Variants in DCLK2 observed in about 807,000 individuals in gnomAD.
DCLK2 encodes the protein doublecortin like kinase 2.
In DCLK2, 31 loss-of-function variants were observed where a neutral mutation model predicts 78.4. The observed-to-expected ratio is 0.40, with a 90% CI of 0.30 to 0.53. The LOEUF (loss-of-function observed/expected upper bound fraction) is 0.53, where lower values mean the gene tolerates loss of function less well. DCLK2 is among the 20% of genes least tolerant of loss of function. The probability of loss-of-function intolerance (pLI) is 0.61; values close to 1 mark genes in which losing one functional copy is unlikely to be tolerated. For synonymous variants in DCLK2, 407 were observed against 374.9 expected, an observed-to-expected ratio of 1.09 and a Z score of -0.99; for missense variants, 872 against 973.7, an observed-to-expected ratio of 0.90 and a Z score of 1.39.
intron 15 of DCLK2, chr4:150,253,615 A>G (rs1744345580): frequency 7.8e-7 from 1 of 1,283,050 alleles, no homozygotes; most frequent in Non-Finnish European, 1.0e-6. Context: ...TCACGCCTGC[A>G]TGCTTGTCTC....
chr4:150,181,512 C>T (rs933164353), intron 2 of DCLK2, among the ~76,000 whole-genome samples: 1 of 152,152 alleles, frequency 6.6e-6, no homozygotes, highest in Non-Finnish European at 1.5e-5. Context: ...TAGAAAGAGG[C>T]ACTTCCTAAA....
intron 2 of DCLK2, among the ~76,000 whole-genome samples, chr4:150,141,652 A>G (rs971454250): frequency 2.0e-5 from 3 of 152,220 alleles, no homozygotes; most frequent in Non-Finnish European, 4.4e-5. Flanking sequence ...GTCATGGCAC[A>G]GAGAATTTTT....
chr4:150,175,864 CTG>C (rs1737053086), intron 2 of DCLK2, among the ~76,000 whole-genome samples: 1 of 152,148 alleles, frequency 6.6e-6, no homozygotes, highest in Admixed American at 6.5e-5. Context: ...TCTCCCCTCT[CTG>C]TACCGTGCTC....
chr4:150,183,540 G>A (rs1398270568), intron 2 of DCLK2, among the ~76,000 whole-genome samples: 1 of 152,104 alleles, frequency 6.6e-6, no homozygotes, highest in Non-Finnish European at 1.5e-5. Context: ...GAGCTACATA[G>A]GATTTGACTG....
intron 2 of DCLK2, among the ~76,000 whole-genome samples, chr4:150,118,994 C>G (rs531669266): frequency 2.3e-3 from 348 of 151,892 alleles, no homozygotes; most frequent in African/African-American, 7.8e-3. Flanking sequence ...CACTGCACTC[C>G]AGCCTCGACA....
At position 150,170,236 on chromosome 4, in the gene DCLK2, G is replaced by T. The variant is rs189633822; in HGVS notation, c.757-22902G>T. Among the ~76,000 whole-genome samples, 20 of 152,148 alleles carry T rather than the reference G, an allele frequency of 1.3e-4. No homozygotes were observed. The East Asian group carries it at 3.3e-3, about 25-fold the overall frequency. ...TGTTTGTATTTTTACTATAGACATG[G>T]TTTCACCATGTTGGCCAGGCTGGTT... On this transcript the variant is annotated intron_variant, in intron 2 of 15. Transcript: ENST00000296550.
intron 2 of DCLK2, among the ~76,000 whole-genome samples, chr4:150,163,081 A>G (rs906133660): frequency 2.6e-5 from 4 of 152,150 alleles, no homozygotes; most frequent in African/African-American, 9.7e-5. Context: ...GTACCTAAGC[A>G]AATGGAGTCC....
chr4:150,157,804 C>T (rs1735419164), intron 2 of DCLK2, among the ~76,000 whole-genome samples: 1 of 152,158 alleles, frequency 6.6e-6, no homozygotes, highest in Non-Finnish European at 1.5e-5. Context: ...TGAGCTACCG[C>T]TCCTGGCAGA....
chr4:150,231,609 T>G (rs573225475), intron 8 of DCLK2, among the ~76,000 whole-genome samples: 1 of 152,328 alleles, frequency 6.6e-6, no homozygotes, highest in South Asian at 2.1e-4. Context: ...TCGTTAATTC[T>G]GTAAGTAAAC....
chr4:150,106,688 A>G (rs1731279857), intron 2 of DCLK2, among the ~76,000 whole-genome samples: 1 of 152,196 alleles, frequency 6.6e-6, no homozygotes, highest in African/African-American at 2.4e-5. Context: ...GAGAGTTTTA[A>G]GGGGCTGGTT....
intron 5 of DCLK2, among the ~76,000 whole-genome samples, chr4:150,219,854 T>G (rs1741041769): frequency 6.6e-6 from 1 of 152,070 alleles, no homozygotes; most frequent in Non-Finnish European, 1.5e-5. Flanking sequence ...GACAAGTAGG[T>G]AGGGGGACAG....
chr4:150,179,155 G>C (rs146258431), intron 2 of DCLK2, among the ~76,000 whole-genome samples: 27,572 of 151,966 alleles, frequency 0.18, 2,677 homozygotes, highest in Non-Finnish European at 0.22. Flanking sequence ...AGCCTCCTAA[G>C]TAACTGGGAC....
intron 8 of DCLK2, among the ~76,000 whole-genome samples, chr4:150,231,598 T>G (rs1742065983): frequency 6.6e-6 from 1 of 152,202 alleles, no homozygotes; most frequent in Non-Finnish European, 1.5e-5. Flanking sequence ...TTAAGAATAA[T>G]TCGTTAATTC....
intron 15 of DCLK2, among the ~76,000 whole-genome samples, chr4:150,255,373 A>T (rs1002995381): frequency 6.6e-6 from 1 of 152,248 alleles, no homozygotes; most frequent in Non-Finnish European, 1.5e-5. Flanking sequence ...ACGCAAGGTG[A>T]CTGCCTCACA....
At chr4:150,249,048 C>A (rs60442913) in intron 14 of DCLK2, among the ~76,000 whole-genome samples, 3,239 of 152,202 alleles carry the variant, frequency 0.021, 103 homozygotes, top group African/African-American at 0.069. Flanking sequence ...CTCCAATGCC[C>A]CACCCACCCA....
intron 2 of DCLK2, among the ~76,000 whole-genome samples, chr4:150,134,539 T>C (rs957662529): frequency 6.6e-6 from 1 of 152,210 alleles, no homozygotes; most frequent in African/African-American, 2.4e-5. Flanking sequence ...ATTTTTTATG[T>C]GAAGTAAGGG....
intron 2 of DCLK2, among the ~76,000 whole-genome samples, chr4:150,183,964 C>T (rs1737718084): frequency 6.6e-6 from 1 of 151,954 alleles, no homozygotes; most frequent in Non-Finnish European, 1.5e-5. Flanking sequence ...GAACTCCTGA[C>T]CCCAAGTGAT....
chr4:150,159,271 G>A (rs1735534905), intron 2 of DCLK2, among the ~76,000 whole-genome samples: 1 of 152,184 alleles, frequency 6.6e-6, no homozygotes, highest in African/African-American at 2.4e-5. Flanking sequence ...AGCTGCAGAA[G>A]AGAACTCTTC....
At chr4:150,125,845 C>T (rs938671776) in intron 2 of DCLK2, among the ~76,000 whole-genome samples, 7 of 151,650 alleles carry the variant, frequency 4.6e-5, no homozygotes, top group Admixed American at 3.3e-4. Flanking sequence ...GAGCTGAGAT[C>T]GAGCCACTAC....
Sources: allele counts gnomAD v4.1 joint callset (sites outside exome capture counted in the v4.1 genomes callset), GRCh38; gene constraint gnomAD v4.1.1; transcripts MANE v1.5; gene names NCBI Gene and HGNC (gene_info 2026-07-23, HGNC 2026-07-21).